SEPTIN7: variants seen among roughly 807,000 people sequenced by gnomAD.
SEPTIN7 encodes septin 7, also known as septin-7.
In SEPTIN7, 10 loss-of-function variants were observed where a neutral mutation model predicts 63.3. That is an observed-to-expected ratio of 0.16 (90% confidence interval 0.10 to 0.27). The LOEUF is 0.27. Ranked by LOEUF, SEPTIN7 falls within the 10% of genes least tolerant of loss-of-function variation. The pLI is 1.00. For missense variants in SEPTIN7, 310 were observed against 521.0 expected (o/e 0.59, Z 3.94); for synonymous variants, 131 against 165.3 (o/e 0.79, Z 1.59).
At chr7:35,850,671 G>A (rs986353367) in intron 3 of SEPTIN7, among the ~76,000 whole-genome samples, 3 of 152,080 alleles carry the variant, frequency 2.0e-5, no homozygotes, top group African/African-American at 7.2e-5. Context: ...TGATTTCTCA[G>A]TTTTCTGAAA....
chr7:35,867,267 T>G (rs1785861424), intron 4 of SEPTIN7, among the ~76,000 whole-genome samples: 1 of 152,250 alleles, frequency 6.6e-6, no homozygotes, highest in Admixed American at 6.5e-5. Flanking sequence ...ACAAAATTTT[T>G]TGGAAAAATA....
At position 35,886,055 on chromosome 7, in the gene SEPTIN7, C is replaced by G. The variant is rs150169915; in HGVS notation, c.872+176C>G. 6.6e-3 allele frequency among the ~76,000 whole-genome samples: 1,001 copies of G among 152,202 alleles called. 14 individuals are homozygous for G. Among genetic ancestry groups the G allele is most frequent in the African/African-American group, 0.023 (961 of 41,528 alleles). On this transcript the variant is annotated intron_variant, in intron 10 of 13. Coordinates refer to ENST00000350320, the MANE Select transcript of SEPTIN7 (RefSeq NM_001788.6). ...TTCTCCAAGGTTTTGAAGTCATGAG[C>G]AAAAGTTGCAAAGTAATTTGTCTAG...
At chr7:35,890,283 A>G (rs1787553406) in intron 10 of SEPTIN7, among the ~76,000 whole-genome samples, 1 of 152,134 alleles carries the variant, frequency 6.6e-6, no homozygotes, top group Admixed American at 6.5e-5. Flanking sequence ...TACCTTAGTA[A>G]TATTGCTAAA....
At chr7:35,858,171 C>T (rs1785304143) in intron 3 of SEPTIN7, among the ~76,000 whole-genome samples, 1 of 152,080 alleles carries the variant, frequency 6.6e-6, no homozygotes. Flanking sequence ...TCTTGAACTC[C>T]TGAGCTGAAG....
chr7:35,909,124 AT>A (rs1017673340), downstream of SEPTIN7, among the ~76,000 whole-genome samples: 2 of 151,590 alleles, frequency 1.3e-5, no homozygotes, highest in African/African-American at 4.8e-5. Context: ...GAGCTGTCCA[AT>A]TTTTTTTTCC....
intron 1 of SEPTIN7, among the ~76,000 whole-genome samples, chr7:35,817,967 C>T (rs1171719008): frequency 6.6e-6 from 1 of 151,706 alleles, no homozygotes; most frequent in Non-Finnish European, 1.5e-5. Flanking sequence ...CATTACTTTA[C>T]AATCTAGATA....
intron 3 of SEPTIN7, among the ~76,000 whole-genome samples, chr7:35,852,470 T>A (rs1170825343): frequency 6.6e-6 from 1 of 151,878 alleles, no homozygotes; most frequent in Non-Finnish European, 1.5e-5. Context: ...CACAGAAAAA[T>A]TTGGAATACA....
downstream of SEPTIN7, among the ~76,000 whole-genome samples, chr7:35,910,108 C>T (rs1329551367): frequency 1.3e-5 from 2 of 152,162 alleles, no homozygotes; most frequent in Non-Finnish European, 2.9e-5. Context: ...TGGTGGCTGG[C>T]TTTCTCCTAG....
At chr7:35,838,285 CTT>C in intron 3 of SEPTIN7, among the ~76,000 whole-genome samples, 1 of 15,520 alleles carries the variant, frequency 6.4e-5, no homozygotes, top group Non-Finnish European at 1.2e-4. Context: ...TCCTTCCTTC[CTT>C]CCTTCCTTCC....
intron 1 of SEPTIN7, among the ~76,000 whole-genome samples, chr7:35,829,559 T>C (rs1237174955): frequency 6.6e-6 from 1 of 152,248 alleles, no homozygotes; most frequent in Non-Finnish European, 1.5e-5. Context: ...GGGCAGACCC[T>C]GAGTCATTTT....
chr7:35,806,246 A>T (rs964030963), intron 1 of SEPTIN7, among the ~76,000 whole-genome samples: 3 of 152,226 alleles, frequency 2.0e-5, no homozygotes, highest in African/African-American at 7.2e-5. Flanking sequence ...CTACCACTTA[A>T]TATTCTTAGT....
chr7:35,888,957 C>G, intron 10 of SEPTIN7: 1 of 261,380 alleles, frequency 3.8e-6, no homozygotes, highest in Non-Finnish European at 8.0e-6. Flanking sequence ...CAGCTTCAAT[C>G]TTGAGTTATG....
chr7:35,903,933 C>T (rs914398855), intron 13 of SEPTIN7, among the ~76,000 whole-genome samples: 2 of 152,002 alleles, frequency 1.3e-5, no homozygotes, highest in African/African-American at 4.8e-5. Flanking sequence ...AAAAGAATAC[C>T]CTGTTTGCTG....
chr7:35,882,590 T>G lies in SEPTIN7; in HGVS notation c.723+14T>G. ...AAAAAGATAAAGGTAGGTTCATCCCTGTACACACGCTAAAGTAATCTGAGG... is the reference window on the plus strand; with the variant it reads ...AAAAAGATAAAGGTAGGTTCATCCCGGTACACACGCTAAAGTAATCTGAGG... On this transcript the variant is annotated intron_variant, in intron 8 of 13. Transcript: ENST00000350320. 7.2e-7 allele frequency: 1 copy of G among 1,393,768 alleles called. No individual in the cohort carries two copies. Among genetic ancestry groups the G allele is most frequent in the Non-Finnish European group, 9.4e-7 (1 of 1,065,030 alleles). 86.3% of individuals were successfully genotyped at this position (1,393,768 alleles called of 1,614,324 possible). A position where few individuals can be genotyped will look rare whatever the true frequency, so the allele number is the denominator to read the frequency against.
chr7:35,873,396 A>G (rs540920990), intron 5 of SEPTIN7, among the ~76,000 whole-genome samples: 3 of 152,066 alleles, frequency 2.0e-5, no homozygotes, highest in African/African-American at 4.8e-5. Context: ...TATTAGTGCA[A>G]ATAATATGCT....
At position 35,872,755 on chromosome 7, in the gene SEPTIN7, T is replaced by A; in HGVS notation, c.366T>A (p.Asp122Glu). ...CCCCAGGATTTGGAGATGCAGTGGATAATAGTAATTGGTAAGAAGGGTTTG... is the reference window on the plus strand; with the variant it reads ...CCCCAGGATTTGGAGATGCAGTGGAAAATAGTAATTGGTAAGAAGGGTTTG... Reference protein sequence around the residue: ...VDTPGFGDAVDNSNCWQPVID... With the variant: ...VDTPGFGDAVENSNCWQPVID... The change falls in exon 5 of 14, where the codon GAT (aspartate) becomes GAA (glutamate). Residue 122 changes from aspartate to glutamate, a missense_variant. Physicochemically the swap from Asp to Glu is conservative, Grantham distance 45. This residue lies in a region of SEPTIN7 where 255 missense variants were observed against 490.5 expected (regional missense o/e 0.52). Transcript: ENST00000350320. 6.2e-7 allele frequency: 1 copy of A among 1,608,048 alleles called. No individual in the cohort carries two copies.
At chr7:35,817,258 T>C (rs1431304157) in intron 1 of SEPTIN7, among the ~76,000 whole-genome samples, 1 of 152,074 alleles carries the variant, frequency 6.6e-6, no homozygotes, top group Non-Finnish European at 1.5e-5. Context: ...GTCATTCTTT[T>C]GTATGTGGCT....
chr7:35,816,143 A>G (rs1462678030), intron 1 of SEPTIN7, among the ~76,000 whole-genome samples: 1 of 152,144 alleles, frequency 6.6e-6, no homozygotes, highest in Non-Finnish European at 1.5e-5. Flanking sequence ...TTTTTCGTGT[A>G]TTCAGGGTTG....
chr7:35,907,896 C>T (rs764706189), downstream of SEPTIN7, among the ~76,000 whole-genome samples: 1 of 152,202 alleles, frequency 6.6e-6, no homozygotes, highest in Non-Finnish European at 1.5e-5. Context: ...TACATTGTGA[C>T]TGCACACGTT....
Sources: allele counts gnomAD v4.1 joint callset (sites outside exome capture counted in the v4.1 genomes callset), GRCh38; gene constraint gnomAD v4.1.1; regional missense constraint gnomAD v4.1.1; transcripts MANE v1.5; gene names NCBI Gene and HGNC (gene_info 2026-07-23, HGNC 2026-07-21).